The following FAM193A variants were observed in gnomAD, a reference collection of about 807,000 sequenced individuals.
FAM193A encodes protein FAM193A.
A neutral mutation model predicts 126.5 loss-of-function variants in FAM193A; 22 were observed. The observed-to-expected ratio is 0.17, with a 90% CI of 0.12 to 0.25. The LOEUF (loss-of-function observed/expected upper bound fraction) is 0.25. Among genes scored for constraint, FAM193A ranks in the 10% least tolerant of loss-of-function variants. The pLI is 1.00. For missense variants in FAM193A, 1,675 were observed against 1,672.8 expected, an observed-to-expected ratio of 1.00 and a Z score of -0.02; for synonymous variants, 761 against 646.8, an observed-to-expected ratio of 1.18 and a Z score of -2.68.
chr4:2,686,019 G>A (rs2109241121), intron 13 of FAM193A, among the ~76,000 whole-genome samples: 1 of 152,310 alleles, frequency 6.6e-6, no homozygotes, highest in South Asian at 2.1e-4. Context: ...CGTTCTGAGA[G>A]AGTTACTTTA....
At chr4:2,638,550 A>G (rs1000737750) in intron 5 of FAM193A, among the ~76,000 whole-genome samples, 6 of 152,126 alleles carry the variant, frequency 3.9e-5, no homozygotes, top group South Asian at 2.1e-4. Flanking sequence ...TGTTAACAAA[A>G]CGGAAGGTTT....
At chr4:2,608,509 A>G (rs1208948782) in intron 2 of FAM193A, among the ~76,000 whole-genome samples, 1 of 152,072 alleles carries the variant, frequency 6.6e-6, no homozygotes, top group Non-Finnish European at 1.5e-5. Context: ...CACTGCACCC[A>G]GCCAAATATG....
In FAM193A at chr4:2,682,205, C is replaced by T. The variant is rs1440105113; in HGVS notation, c.2332-7301C>T. Among the ~76,000 whole-genome samples the T allele has an allele frequency of 3.3e-5, 5 of 152,008 alleles. No individual in the cohort carries two copies. The South Asian group carries it at 6.2e-4, about 19-fold the overall frequency. ...TTCACCATGTTAGCCAGGATGGTCT[C>T]GATCTCCTGACCTTGTGATCCGCCC... is the stretch of plus-strand genomic sequence containing the variant. On this transcript the variant is annotated intron_variant, in intron 13 of 20. Transcript: ENST00000637812.
chr4:2,704,835 T>G (rs551274369), intron 19 of FAM193A, among the ~76,000 whole-genome samples: 1 of 152,360 alleles, frequency 6.6e-6, no homozygotes, highest in South Asian at 2.1e-4. Context: ...TATTTCTTTT[T>G]GTGTGTATGA....
intron 12 of FAM193A, among the ~76,000 whole-genome samples, chr4:2,671,501 G>A (rs1713778744): frequency 6.6e-6 from 1 of 152,196 alleles, no homozygotes; most frequent in Admixed American, 6.5e-5. Context: ...TACAGGTGCA[G>A]GAAATGGAAA....
At chr4:2,694,801 C>T in intron 16 of FAM193A, 145 bp from the exon 17 acceptor site, 1 of 631,580 alleles carries the variant, frequency 1.6e-6, no homozygotes, top group Non-Finnish European at 2.6e-6. Context: ...TTGTGTATGA[C>T]TCCCTAGTAA....
At chr4:2,543,918 G>A (rs563116486) in intron 1 of FAM193A, among the ~76,000 whole-genome samples, 1 of 142,758 alleles carries the variant, frequency 7.0e-6, no homozygotes, top group Admixed American at 7.3e-5. Flanking sequence ...CCACCATACA[G>A]CGTATCCTCT....
intron 2 of FAM193A, among the ~76,000 whole-genome samples, chr4:2,617,778 C>T (rs1742300845): frequency 6.6e-6 from 1 of 152,148 alleles, no homozygotes; most frequent in African/African-American, 2.4e-5. Context: ...GTTTTTCTTA[C>T]ATGTATTATA....
chr4:2,617,100 G>A (rs1276803956), intron 2 of FAM193A, among the ~76,000 whole-genome samples: 3 of 136,468 alleles, frequency 2.2e-5, no homozygotes, highest in East Asian at 2.2e-4. Context: ...CTCAGGAGGC[G>A]GAGGTTTCAG....
chr4:2,725,670 A>G (rs1284010823), intron 20 of FAM193A, among the ~76,000 whole-genome samples: 1 of 151,164 alleles, frequency 6.6e-6, no homozygotes, highest in African/African-American at 2.4e-5. Context: ...ATAGCCAATC[A>G]CTATCAATAT....
intron 2 of FAM193A, among the ~76,000 whole-genome samples, chr4:2,622,238 T>C (rs1195147176): frequency 3.0e-4 from 35 of 114,812 alleles, no homozygotes; most frequent in Admixed American, 9.6e-4. Context: ...GCCTGGGTGA[T>C]AGAGCGAGAC....
intron 12 of FAM193A, among the ~76,000 whole-genome samples, chr4:2,666,463 G>T (rs1322595285): frequency 6.6e-6 from 1 of 152,112 alleles, no homozygotes; most frequent in Non-Finnish European, 1.5e-5. Flanking sequence ...AAATATATTG[G>T]TCTGTAGTTT....
At chr4:2,582,505 G>A (rs1156965977) in intron 1 of FAM193A, among the ~76,000 whole-genome samples, 2 of 151,706 alleles carry the variant, frequency 1.3e-5, no homozygotes, top group Non-Finnish European at 2.9e-5. Context: ...CATAGTCTTA[G>A]TTGCGCATGA....
At chr4:2,549,735 T>A (rs1045254446) in intron 1 of FAM193A, among the ~76,000 whole-genome samples, 3 of 150,794 alleles carry the variant, frequency 2.0e-5, no homozygotes, top group African/African-American at 7.3e-5. Context: ...TTTTACTTTT[T>A]TGTTTTCTTT....
At chr4:2,676,249 A>G (rs1309873282) in intron 13 of FAM193A, among the ~76,000 whole-genome samples, 1 of 152,208 alleles carries the variant, frequency 6.6e-6, no homozygotes, top group Non-Finnish European at 1.5e-5. Context: ...ACAGTGCACA[A>G]GGGTTTCAGT....
chr4:2,626,976 T>C (rs937896269), intron 4 of FAM193A, among the ~76,000 whole-genome samples: 1 of 152,058 alleles, frequency 6.6e-6, no homozygotes, highest in Non-Finnish European at 1.5e-5. Context: ...ATGGGGGCTC[T>C]GTGAGGTTGG....
At chr4:2,632,366 G>A (rs1050975360) in intron 5 of FAM193A, among the ~76,000 whole-genome samples, 3 of 152,004 alleles carry the variant, frequency 2.0e-5, no homozygotes, top group African/African-American at 7.2e-5. Context: ...AGGAGCTTGA[G>A]ACTAGCCTAG....
intron 14 of FAM193A, among the ~76,000 whole-genome samples, 170 bp downstream of exon 14, chr4:2,689,874 G>A (rs1004334720): frequency 3.3e-5 from 5 of 152,152 alleles, no homozygotes; most frequent in African/African-American, 9.7e-5. Flanking sequence ...CCATCCTCTC[G>A]CATCTGCCAC....
intron 16 of FAM193A, among the ~76,000 whole-genome samples, chr4:2,694,320 A>G (rs1451732278): frequency 6.6e-6 from 1 of 152,018 alleles, no homozygotes; most frequent in Admixed American, 6.5e-5. Context: ...CCCAGGCTGA[A>G]GTGCAGTAGT....
Sources: allele counts gnomAD v4.1 joint callset (sites outside exome capture counted in the v4.1 genomes callset), GRCh38; gene constraint gnomAD v4.1.1; transcripts MANE v1.5; gene names NCBI Gene and HGNC (gene_info 2026-07-23, HGNC 2026-07-21).